RORA: variants seen among roughly 807,000 people sequenced by gnomAD.
The protein encoded by RORA is nuclear receptor ROR-alpha.
A neutral mutation model predicts 69.5 loss-of-function variants in RORA; 7 were observed. The ratio of observed to expected loss-of-function variants is 0.10; its 90% CI spans 0.06 to 0.19. RORA has a LOEUF of 0.19. RORA is among the 10% of genes least tolerant of loss of function. RORA has a pLI of 1.00. For synonymous variants in RORA, 261 were observed against 240.8 expected (o/e 1.08, Z -0.78); for missense variants, 457 against 663.0 (o/e 0.69, Z 3.41).
At chr15:60,735,475 C>T (rs1468624038) in intron 1 of RORA, among the ~76,000 whole-genome samples, 1 of 151,858 alleles carries the variant, frequency 6.6e-6, no homozygotes, top group African/African-American at 2.4e-5. Context: ...TAATTTGCTA[C>T]TTAGGGATAG....
At position 60,817,921 on chromosome 15, in the gene RORA, T is replaced by C. The variant is rs140740398; in HGVS notation, c.167-139235A>G. On this transcript the variant is annotated intron_variant, in intron 1 of 10. Transcript: ENST00000335670. Reference sequence around the variant, plus strand: ...ACTGAATGAATACAAGGATACAGTTTTCTTTTCTCTCTTATATACTATTTT... The same window carrying C: ...ACTGAATGAATACAAGGATACAGTTCTCTTTTCTCTCTTATATACTATTTT... Among the ~76,000 whole-genome samples the C allele has an allele frequency of 9.8e-5, 15 of 152,384 alleles. No individual in the cohort carries two copies. In the East Asian group the frequency reaches 2.9e-3, roughly 29 times the overall value.
At chr15:60,606,293 T>G (rs1422263023) in intron 2 of RORA, among the ~76,000 whole-genome samples, 1 of 152,196 alleles carries the variant, frequency 6.6e-6, no homozygotes, top group Non-Finnish European at 1.5e-5. Context: ...ATGAATGAAT[T>G]AAAGGGCTCC....
chr15:61,118,451 A>G (rs889042235), intron 1 of RORA, among the ~76,000 whole-genome samples: 2 of 152,244 alleles, frequency 1.3e-5, no homozygotes, highest in Admixed American at 6.5e-5. Flanking sequence ...AAACAACCAA[A>G]CATGATTTGG....
chr15:60,620,281 G>A (rs1405949671), intron 2 of RORA, among the ~76,000 whole-genome samples: 1 of 152,140 alleles, frequency 6.6e-6, no homozygotes, highest in Non-Finnish European at 1.5e-5. Flanking sequence ...AGACCTCATG[G>A]TATTAGCTCA....
intron 1 of RORA, among the ~76,000 whole-genome samples, chr15:60,715,444 A>G (rs948710899): frequency 3.9e-4 from 60 of 152,322 alleles, no homozygotes; most frequent in Admixed American, 3.9e-4. Flanking sequence ...GTGTTTCTCC[A>G]AAGACCTTCA....
At chr15:61,043,083 TAAA>T (rs1896861097) in intron 1 of RORA, among the ~76,000 whole-genome samples, 2 of 152,288 alleles carry the variant, frequency 1.3e-5, no homozygotes, top group African/African-American at 4.8e-5. Flanking sequence ...TCTAAGAACT[TAAA>T]AAGCGTTTTA....
At chr15:61,025,470 C>T (rs1394172769) in intron 1 of RORA, among the ~76,000 whole-genome samples, 2 of 152,152 alleles carry the variant, frequency 1.3e-5, no homozygotes, top group Non-Finnish European at 2.9e-5. Context: ...GAGCTGTTGT[C>T]CTTGAGTCAT....
At chr15:60,793,599 A>C (rs1197021087) in intron 1 of RORA, among the ~76,000 whole-genome samples, 2 of 152,222 alleles carry the variant, frequency 1.3e-5, no homozygotes, top group African/African-American at 4.8e-5. Flanking sequence ...GAATGTGCTT[A>C]GTCAAGTGCG....
intron 3 of RORA, among the ~76,000 whole-genome samples, chr15:60,527,867 T>G (rs1002194469): frequency 2.0e-5 from 3 of 152,162 alleles, no homozygotes; most frequent in African/African-American, 7.2e-5. Context: ...AAGACTGCCC[T>G]TTTTCTGGGC....
chr15:61,129,558 G>T (rs930369288), intron 1 of RORA, among the ~76,000 whole-genome samples: 11 of 152,132 alleles, frequency 7.2e-5, no homozygotes, highest in Admixed American at 5.9e-4. Flanking sequence ...TGTACTTAAA[G>T]CCAATGCCTG....
intron 1 of RORA, among the ~76,000 whole-genome samples, chr15:61,057,392 G>A (rs1437055510): frequency 2.0e-5 from 3 of 152,162 alleles, no homozygotes; most frequent in Middle Eastern, 3.2e-3. Context: ...ACACTCACAC[G>A]TGATCTTTCT....
chr15:60,906,181 G>A (rs1459725566), intron 1 of RORA, among the ~76,000 whole-genome samples: 2 of 152,160 alleles, frequency 1.3e-5, no homozygotes, highest in Non-Finnish European at 2.9e-5. Context: ...AGGCAGCCCT[G>A]GCGCGAGGGA....
intron 2 of RORA, among the ~76,000 whole-genome samples, chr15:60,621,278 C>G (rs139860987): frequency 1.2e-4 from 18 of 152,006 alleles, no homozygotes; most frequent in African/African-American, 4.3e-4. Context: ...GTCTATTTGC[C>G]CATCCATTTT....
At chr15:60,668,186 C>T (rs1050024477) in intron 2 of RORA, among the ~76,000 whole-genome samples, 2 of 152,150 alleles carry the variant, frequency 1.3e-5, no homozygotes, top group East Asian at 1.9e-4. Flanking sequence ...TAGATCAGTT[C>T]GATTCCTGAG....
In RORA at chr15:60,545,686, G is replaced by A. The variant is rs577407963; in HGVS notation, c.197-13835C>T. Among the ~76,000 whole-genome samples, 32 of 152,272 alleles carry A rather than the reference G, an allele frequency of 2.1e-4. 2 individuals are homozygous for A. The highest frequency in any genetic ancestry group is 7.0e-4 in the African/African-American group (29 of 41,534). On this transcript the variant is annotated intron_variant, in intron 2 of 10. Coordinates refer to ENST00000335670, the MANE Select transcript of RORA (RefSeq NM_134261.3). Reference sequence around the variant, plus strand: ...AAGGATGTTTCACTGCCCAATTAGCGTGGTCCATTTTAAAGTGAATCTGTT... The same window carrying A: ...AAGGATGTTTCACTGCCCAATTAGCATGGTCCATTTTAAAGTGAATCTGTT...
chr15:60,954,331 T>A (rs1893202603), intron 1 of RORA, among the ~76,000 whole-genome samples: 1 of 146,036 alleles, frequency 6.8e-6, no homozygotes, highest in Non-Finnish European at 1.5e-5. Context: ...TTGGGAGATA[T>A]ACCTAATGCT....
chr15:60,896,463 T>G (rs1033561721), intron 1 of RORA, among the ~76,000 whole-genome samples: 1 of 152,154 alleles, frequency 6.6e-6, no homozygotes, highest in Non-Finnish European at 1.5e-5. Context: ...CATAAATATT[T>G]CTCCTGATAC....
chr15:60,535,942 A>G (rs1401054227), intron 2 of RORA, among the ~76,000 whole-genome samples: 1 of 152,088 alleles, frequency 6.6e-6, no homozygotes, highest in Non-Finnish European at 1.5e-5. Flanking sequence ...CCAGGGCTCA[A>G]AAGACATCCC....
intron 1 of RORA, among the ~76,000 whole-genome samples, chr15:60,720,111 C>T (rs2071273080): frequency 1.3e-5 from 2 of 152,078 alleles, no homozygotes; most frequent in South Asian, 2.1e-4. Flanking sequence ...AGCCTAAAAT[C>T]GAGTTTCTCA....
Sources: gnomAD v4.1 joint callset for allele counts (sites outside exome capture counted in the v4.1 genomes callset) on GRCh38, gnomAD v4.1.1 for gene constraint, MANE v1.5 for transcripts, NCBI Gene and HGNC (gene_info 2026-07-23, HGNC 2026-07-21) for gene names.